The following MBOAT2 variants were observed in gnomAD, a reference collection of about 807,000 sequenced individuals.
The protein encoded by MBOAT2 is membrane bound glycerophospholipid O-acyltransferase 2, also known as membrane-bound glycerophospholipid O-acyltransferase 2.
A neutral mutation model predicts 63.4 loss-of-function variants in MBOAT2; 28 were observed. The observed-to-expected ratio is 0.44, with a 90% CI of 0.33 to 0.61. MBOAT2 has a LOEUF of 0.61. MBOAT2 is among the 20% of genes least tolerant of loss of function. MBOAT2 has a pLI of 0.03. For synonymous variants in MBOAT2, 211 were observed against 215.6 expected (o/e 0.98, Z 0.19); for missense variants, 470 against 605.8 (o/e 0.78, Z 2.35).
intron 1 of MBOAT2, among the ~76,000 whole-genome samples, chr2:9,000,864 A>AT (rs1310791348): frequency 6.6e-6 from 1 of 152,216 alleles, no homozygotes; most frequent in Non-Finnish European, 1.5e-5. Context: ...TTTTTACTTT[A>AT]TTAAGTTTTT....
intron 5 of MBOAT2, among the ~76,000 whole-genome samples, chr2:8,885,257 C>T (rs1663465466): frequency 6.6e-6 from 1 of 152,064 alleles, no homozygotes; most frequent in African/African-American, 2.4e-5. Flanking sequence ...TGGGTGGCTG[C>T]GATAGTGGCA....
chr2:8,910,046 C>T (rs1665604057), intron 3 of MBOAT2, among the ~76,000 whole-genome samples: 1 of 152,172 alleles, frequency 6.6e-6, no homozygotes, highest in Non-Finnish European at 1.5e-5. Flanking sequence ...CAGGTGTGAA[C>T]CATAATTAAC....
Position 8,858,590 on chromosome 2 carries a change from T to G in MBOAT2, c.*89A>C. On this transcript the variant is annotated 3_prime_UTR_variant, in exon 13 of 13. Transcript: ENST00000305997. The stretch of plus-strand genomic sequence containing the variant: ...GTCCATTTCCCCCCAGTTAACTGCT[T>G]TTCCAACAAACTCAAACCCCTTGAA... 3 of 985,612 alleles carry G rather than the reference T, an allele frequency of 3.0e-6. No individual in the cohort carries two copies. The highest frequency in any genetic ancestry group is 4.5e-6 in the Non-Finnish European group (3 of 663,810). 61.1% of individuals were successfully genotyped at this position (985,612 alleles called of 1,614,324 possible). A position where few individuals can be genotyped will look rare whatever the true frequency, so the allele number is the denominator to read the frequency against.
chr2:8,864,304 T>A lies in MBOAT2; in HGVS notation c.988-70A>T, dbSNP rs983959787. 4 of 889,410 alleles carry A rather than the reference T, an allele frequency of 4.5e-6. No homozygotes were observed. The African/African-American group carries it at 5.3e-5, about 12-fold the overall frequency. The allele number at this position is 889,410 out of a possible 1,614,324, so 55.1% of individuals were successfully genotyped here. On this transcript the variant is annotated intron_variant, in intron 9 of 12. Coordinates refer to ENST00000305997, the MANE Select transcript of MBOAT2 (RefSeq NM_138799.4). The stretch of plus-strand genomic sequence containing the variant: ...AGCTTTAAATATAATAATATATTAT[T>A]ATGCTAAAAAATAAAAACAAAAATT...
chr2:8,945,721 G>C (rs1393674182), intron 2 of MBOAT2, among the ~76,000 whole-genome samples: 1 of 151,854 alleles, frequency 6.6e-6, no homozygotes, highest in Non-Finnish European at 1.5e-5. Context: ...AAAGTGCTTT[G>C]AAAATGAAAC....
intron 9 of MBOAT2, among the ~76,000 whole-genome samples, chr2:8,866,950 T>C (rs1184259498): frequency 6.6e-6 from 1 of 152,240 alleles, no homozygotes; most frequent in African/African-American, 2.4e-5. Flanking sequence ...TTTAGCAATA[T>C]TAGGGCTCAT....
intron 3 of MBOAT2, among the ~76,000 whole-genome samples, chr2:8,941,793 CT>C (rs1261713654): frequency 1.2e-4 from 18 of 152,266 alleles, no homozygotes; most frequent in Admixed American, 2.6e-4. Flanking sequence ...ACAAAGTTAA[CT>C]TCACCGACTG....
intron 3 of MBOAT2, among the ~76,000 whole-genome samples, chr2:8,937,282 G>C (rs1041539538): frequency 6.6e-6 from 1 of 152,164 alleles, no homozygotes; most frequent in Non-Finnish European, 1.5e-5. Context: ...GAGTTCGAGG[G>C]GGCTCCTTGG....
intron 3 of MBOAT2, among the ~76,000 whole-genome samples, chr2:8,928,000 G>C (rs944189777): frequency 6.6e-6 from 1 of 152,110 alleles, no homozygotes; most frequent in East Asian, 1.9e-4. Flanking sequence ...GAAGGTGAAG[G>C]GGGAGCAGCC....
At chr2:8,955,436 C>T (rs909807995) in intron 2 of MBOAT2, among the ~76,000 whole-genome samples, 2 of 152,200 alleles carry the variant, frequency 1.3e-5, no homozygotes, top group African/African-American at 4.8e-5. Context: ...TCACTTTTAT[C>T]AACTGGATGC....
chr2:8,864,123 A>G, intron 10 of MBOAT2, 47 bp downstream of exon 10: 1 of 1,339,708 alleles, frequency 7.5e-7, no homozygotes, highest in South Asian at 1.4e-5. Flanking sequence ...CAACCTCGAG[A>G]ACTAGACGCC....
At chr2:8,995,138 T>C (rs989824483) in intron 1 of MBOAT2, among the ~76,000 whole-genome samples, 5 of 152,098 alleles carry the variant, frequency 3.3e-5, no homozygotes, top group African/African-American at 9.7e-5. Context: ...AGAACAGAAC[T>C]GCCACATAAT....
At chr2:8,883,544 G>T (rs375498051) in intron 5 of MBOAT2, among the ~76,000 whole-genome samples, 5 of 152,240 alleles carry the variant, frequency 3.3e-5, no homozygotes, top group African/African-American at 9.6e-5. Flanking sequence ...AATGCCTCAG[G>T]AACTATTCTA....
chr2:8,974,481 C>G (rs1670679300), intron 1 of MBOAT2: 1 of 454,968 alleles, frequency 2.2e-6, no homozygotes, highest in Admixed American at 2.4e-5. Context: ...TTAAAGAACC[C>G]AGGCCTTGAT....
intron 4 of MBOAT2, among the ~76,000 whole-genome samples, chr2:8,889,463 T>C (rs1446183878): frequency 6.6e-6 from 1 of 152,178 alleles, no homozygotes; most frequent in Non-Finnish European, 1.5e-5. Context: ...AAAAGTCAGT[T>C]CTTACATTTA....
chr2:8,963,448 C>T (rs1669765107), intron 1 of MBOAT2, among the ~76,000 whole-genome samples: 1 of 152,036 alleles, frequency 6.6e-6, no homozygotes, highest in African/African-American at 2.4e-5. Context: ...GGATTACAGG[C>T]ATGCACTACC....
chr2:8,940,698 A>G (rs1017627553), intron 3 of MBOAT2, among the ~76,000 whole-genome samples: 13 of 152,070 alleles, frequency 8.5e-5, no homozygotes, highest in Non-Finnish European at 1.5e-4. Context: ...GTGTGTGTGT[A>G]TATATATATT....
intron 1 of MBOAT2, among the ~76,000 whole-genome samples, chr2:8,968,290 A>C (rs914373981): frequency 6.6e-6 from 1 of 152,226 alleles, no homozygotes; most frequent in African/African-American, 2.4e-5. Context: ...GACCTCCAGC[A>C]AACTCCAACA....
rs1661263921 is a variant in MBOAT2, at chr2:8,858,518, T to A, written c.*161A>T. 1.7e-6 allele frequency: 1 copy of A among 581,872 alleles called. No individual in the cohort carries two copies. The highest frequency in any genetic ancestry group is 3.0e-6 in the Non-Finnish European group (1 of 333,092). The allele number at this position is 581,872 out of a possible 1,614,324, so 36.0% of individuals were successfully genotyped here. On this transcript the variant is annotated 3_prime_UTR_variant, in exon 13 of 13. Transcript: ENST00000305997. ...GAGACATGGCATGGGAGGGCTTGTT[T>A]CACTCCATTTCCAATCTGGTGTACA... is the stretch of plus-strand genomic sequence containing the variant.
Sources: gnomAD v4.1 joint callset for allele counts (sites outside exome capture counted in the v4.1 genomes callset) on GRCh38, gnomAD v4.1.1 for gene constraint, MANE v1.5 for transcripts, NCBI Gene and HGNC (gene_info 2026-07-23, HGNC 2026-07-21) for gene names.